Variants in AURKB observed in about 807,000 individuals in gnomAD.
AURKB encodes the protein aurora kinase B-Sv1.
AURKB carries 28 observed loss-of-function variants against 36.5 expected under a neutral mutation model. The observed-to-expected ratio is 0.77, with a 90% CI of 0.57 to 1.05. AURKB has a LOEUF of 1.05. AURKB is among the 50% of genes least tolerant of loss of function. The probability of loss-of-function intolerance (pLI) is 0.00; values close to 1 mark genes in which losing one functional copy is unlikely to be tolerated. For synonymous variants in AURKB, 175 were observed against 172.9 expected, an observed-to-expected ratio of 1.01 and a Z score of -0.09; for missense variants, 383 against 447.4, an observed-to-expected ratio of 0.86 and a Z score of 1.30.
At position 8,207,345 on chromosome 17, in the gene AURKB, A is replaced by C; in HGVS notation, c.229T>G (p.Phe77Val). Residue 77 changes from phenylalanine (F) to valine (V), a missense_variant, in exon 5 of 9, where the codon TTT (phenylalanine) becomes GTT (valine). Phe to Val is a conservative substitution (Grantham distance 50, BLOSUM62 -1). Transcript: ENST00000585124. ...TTGCCCAGAGGACGCCCAATCTCAA[A>C]GTCATCAATTGTGAAGTGCCGCCTG... is the stretch of plus-strand genomic sequence containing the variant. The part of the protein sequence containing the change: ...ILTRHFTIDD[F>V]EIGRPLGKGK... 1.2e-6 allele frequency: 2 copies of C among 1,614,068 alleles called. No individual in the cohort carries two copies. Among genetic ancestry groups the C allele is most frequent in the African/African-American group, 2.7e-5 (2 of 75,048 alleles).
At chr17:8,208,546 G>A (rs1400994633) in intron 2 of AURKB, among the ~76,000 whole-genome samples, 6 of 151,772 alleles carry the variant, frequency 4.0e-5, no homozygotes, top group Middle Eastern at 3.4e-3. Flanking sequence ...AGCTGAGATC[G>A]CACCATTGCA....
rs1985368953 is a variant in AURKB at position 8,206,821 on chromosome 17, A to G, written c.466T>C (p.Tyr156His). The G allele has an allele frequency of 1.9e-6, 3 of 1,614,004 alleles. No individual in the cohort carries two copies. The highest frequency in any genetic ancestry group is 2.5e-6 in the Non-Finnish European group (3 of 1,180,032). ...TTGTAGAGCTCCCCGCGGGGGGCAT[A>G]CTCTAGAATCAAGTAGATCCTCCTC... is the stretch of plus-strand genomic sequence containing the variant. ...DRRRIYLILE[Y>H]APRGELYKEL... The change falls in exon 6 of 9, where the codon TAT (tyrosine) becomes CAT (histidine). Residue 156 changes from tyrosine to histidine, a missense_variant. Coordinates refer to ENST00000585124, the MANE Select transcript of AURKB (RefSeq NM_004217.4). This position sits in a 1 kb window ranked among gnomAD's most constrained non-coding sequence, Gnocchi z 4.2.
chr17:8,207,419 G>A (rs748294873), intron 4 of AURKB, 52 bp from the exon 5 acceptor site: 3 of 1,589,804 alleles, frequency 1.9e-6, no homozygotes, highest in South Asian at 2.2e-5. Flanking sequence ...GTTATTAAGA[G>A]GTTTGCTTTC....
chr17:8,207,759 G>A lies in AURKB; in HGVS notation c.130C>T (p.Arg44Cys), dbSNP rs529657077. 11 of 1,614,118 alleles carry A rather than the reference G, an allele frequency of 6.8e-6. No homozygotes were observed. The highest frequency in any genetic ancestry group is 5.5e-5 in the South Asian group (5 of 91,070). The part of the protein sequence containing the change: ...VTPSALVLMS[R>C]SNVQPTAAPG... ...TTACCTGTGGGCTGGACATTGGAGC[G>A]GCTCATGAGGACAAGTGCAGATGGG... Residue 44 changes from arginine (R) to cysteine (C), a missense_variant, in exon 3 of 9, where the codon CGC (arginine) becomes TGC (cysteine). Transcript: ENST00000585124.
In AURKB at chr17:8,204,776, T is replaced by C. The variant is rs1597342183; in HGVS notation, c.*95A>G. ...AGCCTTTATTAAACAAAGGAGGAGG[T>C]AGAAAACAGATAAGGGAACAGTTAG... On this transcript the variant is annotated 3_prime_UTR_variant, in exon 9 of 9. Transcript: ENST00000585124. The C allele has an allele frequency of 2.0e-6, 3 of 1,496,698 alleles. No individual in the cohort carries two copies. Among genetic ancestry groups the C allele is most frequent in the Non-Finnish European group, 2.7e-6 (3 of 1,099,374 alleles). The allele number at this position is 1,496,698 out of a possible 1,614,324, so 92.7% of individuals were successfully genotyped here.
chr17:8,205,466 GAGCCA>G, intron 7 of AURKB, 76 bp from the exon 8 acceptor site: 1 of 1,546,154 alleles, frequency 6.5e-7, no homozygotes, highest in Non-Finnish European at 8.8e-7. Flanking sequence ...TGACGGCTGG[GAGCCA>G]AAAGACCACG....
intron 4 of AURKB, 90 bp downstream of exon 4, chr17:8,207,481 A>G (rs1356770753): frequency 3.8e-6 from 6 of 1,562,602 alleles, no homozygotes; most frequent in Non-Finnish European, 5.2e-6. Context: ...CTTCATCCCT[A>G]CTCCTCCCGT....
intron 2 of AURKB, 192 bp downstream of exon 2, chr17:8,209,985 G>GT: frequency 1.4e-6 from 1 of 692,228 alleles, no homozygotes. Flanking sequence ...TCAGATTCAC[G>GT]TTGGCAGCAC....
At position 8,206,481 on chromosome 17, in the gene AURKB, G is replaced by A. The variant is rs747784111; in HGVS notation, c.686+10C>T. 1.2e-6 allele frequency: 2 copies of A among 1,613,980 alleles called. No individual in the cohort carries two copies. The highest frequency in any genetic ancestry group is 1.3e-5 in the African/African-American group (1 of 75,008). On this transcript the variant is annotated intron_variant, in intron 7 of 8. Transcript: ENST00000585124. The surrounding 1 kb of genome is among the most constrained non-coding windows in gnomAD (Gnocchi z 4.2). ...CTCACACCCAGGTCTGGCCTCCCAG[G>A]CCACCATACCTCAGGGAGGGCGCAT... is the stretch of plus-strand genomic sequence containing the variant.
Position 8,204,984 on chromosome 17 carries a change from G to A in AURKB, c.922C>T (p.Leu308Phe). 6.2e-7 allele frequency: 1 copy of A among 1,608,314 alleles called. No homozygotes were observed. Among genetic ancestry groups the A allele is most frequent in the Non-Finnish European group, 8.5e-7 (1 of 1,178,474 alleles). ...AGCCGTTCCGAGGGGTTATGCCTGA[G>A]CAGTTTGGAGATGAGGTCCTGGGCT... ...MGAQDLISKL[L>F]RHNPSERLPL... Residue 308 changes from leucine (L) to phenylalanine (F), a missense_variant, in exon 9 of 9, where the codon CTC becomes TTC. This residue lies in a region of AURKB where 219 missense variants were observed against 252.6 expected (regional missense o/e 0.87). Transcript: ENST00000585124.
chr17:8,210,166 A>G lies in AURKB; in HGVS notation c.48+11T>C. ...GTCATGGGGGCGCAGGGACGGAGGGAAGGGCCTTACCGTCTGTCGGCCGTA... is the reference window on the plus strand; with the variant it reads ...GTCATGGGGGCGCAGGGACGGAGGGGAGGGCCTTACCGTCTGTCGGCCGTA... On this transcript the variant is annotated intron_variant, in intron 2 of 8. Transcript: ENST00000585124. 3 of 1,612,860 alleles carry G rather than the reference A, an allele frequency of 1.9e-6. No individual in the cohort carries two copies. Among genetic ancestry groups the G allele is most frequent in the Non-Finnish European group, 2.5e-6 (3 of 1,179,762 alleles).
At position 8,207,553 on chromosome 17, in the gene AURKB, C is replaced by T; in HGVS notation, c.206+18G>A. 1.2e-6 allele frequency: 2 copies of T among 1,611,722 alleles called. No homozygotes were observed. Among genetic ancestry groups the T allele is most frequent in the Non-Finnish European group, 1.7e-6 (2 of 1,178,346 alleles). On this transcript the variant is annotated intron_variant, in intron 4 of 8. Coordinates refer to ENST00000585124, the MANE Select transcript of AURKB (RefSeq NM_004217.4). ...TTGTCCCCTCACCCCCGTCCACCCC[C>T]AGGCTTGGGGCACTTACGTTAAGAT...
In AURKB at chr17:8,206,594, T is replaced by C. The variant is rs1364985233; in HGVS notation, c.583A>G (p.Lys195Glu). The C allele has an allele frequency of 6.2e-7, 1 of 1,614,188 alleles. No homozygotes were observed. Among genetic ancestry groups the C allele is most frequent in the South Asian group, 1.1e-5 (1 of 91,080 alleles). ...GGCTTTATGTCTCTGTGAATCACCT[T>C]CTTCCCATGGCAGTACATTAGAGCA... ...ADALMYCHGK[K>E]VIHRDIKPEN... Residue 195 changes from lysine to glutamate, a missense_variant, in exon 7 of 9, where the codon AAG (lysine) becomes GAG (glutamate). By Grantham distance (56) the Lys-to-Glu change is moderately conservative (BLOSUM62 1). Coordinates refer to ENST00000585124, the MANE Select transcript of AURKB (RefSeq NM_004217.4). This position sits in a 1 kb window ranked among gnomAD's most constrained non-coding sequence, Gnocchi z 4.2.
chr17:8,209,791 C>G (rs963884111), intron 2 of AURKB, among the ~76,000 whole-genome samples: 2 of 151,982 alleles, frequency 1.3e-5, no homozygotes, highest in Non-Finnish European at 2.9e-5. Flanking sequence ...TTGCCCTGGG[C>G]CTTTTAAACT....
chr17:8,205,882 G>T (rs548098137), intron 7 of AURKB, among the ~76,000 whole-genome samples: 1 of 151,938 alleles, frequency 6.6e-6, no homozygotes, highest in East Asian at 1.9e-4. Context: ...CGAACAGCTG[G>T]GATTACAAGT....
chr17:8,209,335 G>A (rs560155341), intron 2 of AURKB, among the ~76,000 whole-genome samples: 2 of 151,750 alleles, frequency 1.3e-5, no homozygotes, highest in Middle Eastern at 3.4e-3. Flanking sequence ...AAAATAATAG[G>A]TACATTTTCT....
In AURKB at chr17:8,210,189, G is replaced by A. The variant is rs1423805745; in HGVS notation, c.36C>T (p.Tyr12=). 1.9e-6 allele frequency: 3 copies of A among 1,612,142 alleles called. No homozygotes were observed. The highest frequency in any genetic ancestry group is 1.7e-5 in the Admixed American group (1 of 59,774). The part of the protein sequence containing the change: ...AQKENSYPWP[Y]GRQTAPSGLS... The stretch of plus-strand genomic sequence containing the variant: ...GGAAGGGCCTTACCGTCTGTCGGCC[G>A]TAGGGCCAGGGGTAGGAGTTCTCCT... The change falls in exon 2 of 9, where the codon TAC becomes TAT. Residue 12 remains tyrosine (Y), a synonymous_variant. Coordinates refer to ENST00000585124, the MANE Select transcript of AURKB (RefSeq NM_004217.4).
At chr17:8,209,101 ACCTCCACCT>A (rs1158339617) in intron 2 of AURKB, among the ~76,000 whole-genome samples, 1 of 151,392 alleles carries the variant, frequency 6.6e-6, no homozygotes, top group African/African-American at 2.4e-5. Context: ...GCTCACTGCA[ACCTCCACCT>A]CCCAGGTTCA....
Position 8,205,396 on chromosome 17 carries a change from A to G in AURKB, c.687-6T>C, listed in dbSNP as rs1416757646. ...TGCCACACATTGTCTTCCTCCTGGG[A>G]GGGATAAGGGGCGTGGGCAGGGGTC... On this transcript the variant is annotated splice_polypyrimidine_tract_variant and splice_region_variant and intron_variant, in intron 7 of 8. Coordinates refer to ENST00000585124, the MANE Select transcript of AURKB (RefSeq NM_004217.4). The G allele has an allele frequency of 1.9e-6, 3 of 1,613,536 alleles. No individual in the cohort carries two copies. The highest frequency in any genetic ancestry group is 2.5e-6 in the Non-Finnish European group (3 of 1,179,788).
Sources: gnomAD v4.1 joint callset for allele counts (sites outside exome capture counted in the v4.1 genomes callset) on GRCh38, gnomAD v4.1.1 for gene constraint, gnomAD v4.1.1 regional missense constraint, Gnocchi (gnomAD v3.1) non-coding constraint, MANE v1.5 for transcripts, NCBI Gene and HGNC (gene_info 2026-07-23, HGNC 2026-07-21) for gene names.